The following GALNTL6 variants were observed in gnomAD, a reference collection of about 807,000 sequenced individuals.
The protein encoded by GALNTL6 is polypeptide N-acetylgalactosaminyltransferase-like 6.
A neutral mutation model predicts 73.7 loss-of-function variants in GALNTL6; 46 were observed. The ratio of observed to expected loss-of-function variants is 0.62; its 90% CI spans 0.49 to 0.80. The LOEUF is 0.80. Among genes scored for constraint, GALNTL6 ranks in the 30% least tolerant of loss-of-function variants. The pLI, the probability that GALNTL6 is intolerant of heterozygous loss-of-function variation, is 0.00. For missense variants in GALNTL6, 604 were observed against 755.0 expected (o/e 0.80, Z 2.34); for synonymous variants, 259 against 263.7 (o/e 0.98, Z 0.17).
chr4:172,059,286 T>A (rs1731120418), intron 2 of GALNTL6, among the ~76,000 whole-genome samples: 1 of 152,230 alleles, frequency 6.6e-6, no homozygotes, highest in African/African-American at 2.4e-5. Flanking sequence ...CCTGGCTTGC[T>A]TCTGGGAGCA....
rs945747248 is a variant in GALNTL6, at chr4:172,009,649, G to A, written c.138+194931G>A. 5.4e-4 allele frequency among the ~76,000 whole-genome samples: 82 copies of A among 152,004 alleles called. 1 individual carries two copies. The highest frequency in any genetic ancestry group is 4.4e-5 in the Non-Finnish European group (3 of 68,000). On this transcript the variant is annotated intron_variant, in intron 2 of 12. Coordinates refer to ENST00000506823, the MANE Select transcript of GALNTL6 (RefSeq NM_001034845.3). ...GTGACTGAACAAATGTGGTTTTGTG[G>A]TATATTGCATTGTTTTACATTCCTG...
At chr4:172,795,910 TAAG>T (rs1212552009) in intron 5 of GALNTL6, among the ~76,000 whole-genome samples, 7 of 151,406 alleles carry the variant, frequency 4.6e-5, no homozygotes, top group Non-Finnish European at 8.8e-5. Context: ...TCTTAAACAA[TAAG>T]AAAAAGTTAT....
intron 2 of GALNTL6, among the ~76,000 whole-genome samples, chr4:172,212,327 A>G (rs556754791): frequency 3.3e-5 from 5 of 151,804 alleles, no homozygotes; most frequent in Admixed American, 2.6e-4. Flanking sequence ...ACGCCTGGCT[A>G]ATTTTTATAT....
At chr4:172,292,727 T>G (rs1739518400) in intron 3 of GALNTL6, among the ~76,000 whole-genome samples, 1 of 152,166 alleles carries the variant, frequency 6.6e-6, no homozygotes, top group Non-Finnish European at 1.5e-5. Context: ...TTGATTAATG[T>G]AAAATATAGA....
rs1731461334 is a variant in GALNTL6 at position 172,069,522 on chromosome 4, G to GTATGACACATATATGTTACA, written c.139-160131_139-160130insGACACATATATGTTACATAT. On this transcript the variant is annotated intron_variant, in intron 2 of 12. Transcript: ENST00000506823. The stretch of plus-strand genomic sequence containing the variant: ...TATGTATAACACATATATGTTATAT[G>GTATGACACATATATGTTACA]TATAACACATATATTATATATAACA... 2.5e-4 allele frequency among the ~76,000 whole-genome samples: 14 copies of GTATGACACATATATGTTACA among 56,034 alleles called. 5 individuals are homozygous for GTATGACACATATATGTTACA. The highest frequency in any genetic ancestry group is 4.6e-4 in the Non-Finnish European group (14 of 30,632). The allele number at this position is 56,034 out of a possible 152,430, so 36.8% of individuals were successfully genotyped here. A position where few individuals can be genotyped will look rare whatever the true frequency, so the allele number is the denominator to read the frequency against.
chr4:172,609,790 T>A (rs1273270687), intron 5 of GALNTL6, among the ~76,000 whole-genome samples: 1 of 151,944 alleles, frequency 6.6e-6, no homozygotes, highest in Non-Finnish European at 1.5e-5. Context: ...TTTGTACACC[T>A]GGTAGAATTT....
chr4:172,242,535 G>A (rs1411946941), intron 3 of GALNTL6, among the ~76,000 whole-genome samples: 1 of 152,044 alleles, frequency 6.6e-6, no homozygotes, highest in Non-Finnish European at 1.5e-5. Flanking sequence ...TGTTCTATAT[G>A]ATCTATTTTG....
intron 5 of GALNTL6, among the ~76,000 whole-genome samples, chr4:172,487,300 GTCTTTCTTTCTTTCTT>G (rs1212706952): frequency 4.6e-4 from 55 of 118,720 alleles, no homozygotes; most frequent in African/African-American, 1.6e-3. Flanking sequence ...CTTTCCTTCT[GTCTTTCTTTCTTTCTT>G]TCTTTCTTTC....
At chr4:172,770,833 TAA>T (rs1469418225) in intron 5 of GALNTL6, among the ~76,000 whole-genome samples, 1 of 152,182 alleles carries the variant, frequency 6.6e-6, no homozygotes, top group African/African-American at 2.4e-5. Flanking sequence ...TTTTTGACAT[TAA>T]ATGTTATCAT....
At chr4:172,696,117 A>G (rs11132955) in intron 5 of GALNTL6, among the ~76,000 whole-genome samples, 73,482 of 151,830 alleles carry the variant, frequency 0.48, 18,190 homozygotes, top group African/African-American at 0.58. Flanking sequence ...CACTAAGAAA[A>G]CTCTTTGAGA....
intron 2 of GALNTL6, among the ~76,000 whole-genome samples, chr4:172,205,609 T>G (rs1053390589): frequency 5.9e-5 from 9 of 152,202 alleles, no homozygotes; most frequent in Admixed American, 5.9e-4. Context: ...TCCCTTCCTA[T>G]TTCCAGTCCC....
chr4:171,974,543 G>T (rs1739662987), intron 2 of GALNTL6, among the ~76,000 whole-genome samples: 1 of 152,018 alleles, frequency 6.6e-6, no homozygotes, highest in Non-Finnish European at 1.5e-5. Flanking sequence ...TATATTCAAA[G>T]AATGATTTTC....
chr4:172,978,806 G>T (rs913252077), intron 10 of GALNTL6, among the ~76,000 whole-genome samples: 2 of 152,138 alleles, frequency 1.3e-5, no homozygotes, highest in Admixed American at 1.3e-4. Context: ...AACAGAAAAT[G>T]ATCACTGTTC....
chr4:172,074,661 C>T (rs1731649714), intron 2 of GALNTL6, among the ~76,000 whole-genome samples: 1 of 151,964 alleles, frequency 6.6e-6, no homozygotes, highest in Admixed American at 6.6e-5. Context: ...GGGGTAGTGT[C>T]CTGAGAAAAA....
At position 171,852,634 on chromosome 4, in the gene GALNTL6, G is replaced by A. The variant is rs567706974; in HGVS notation, c.138+37916G>A. On this transcript the variant is annotated intron_variant, in intron 2 of 12. Coordinates refer to ENST00000506823, the MANE Select transcript of GALNTL6 (RefSeq NM_001034845.3). ...AGGTAACAAATTCAATTCTTTGTACGATAGCTTCACAAATTAAGAAAACCC... is the reference window on the plus strand; with the variant it reads ...AGGTAACAAATTCAATTCTTTGTACAATAGCTTCACAAATTAAGAAAACCC... Among the ~76,000 whole-genome samples the A allele has an allele frequency of 3.3e-5, 5 of 152,000 alleles. No homozygotes were observed. In the South Asian group the frequency reaches 1.0e-3, roughly 32 times the overall value.
At chr4:172,854,834 TA>T (rs1271584050) in intron 7 of GALNTL6, among the ~76,000 whole-genome samples, 6 of 152,234 alleles carry the variant, frequency 3.9e-5, no homozygotes, top group Non-Finnish European at 7.3e-5. Flanking sequence ...GTAAACTCTT[TA>T]AAAATGGGAA....
chr4:172,965,503 A>G (rs1369352013), intron 10 of GALNTL6, among the ~76,000 whole-genome samples: 1 of 152,122 alleles, frequency 6.6e-6, no homozygotes, highest in African/African-American at 2.4e-5. Flanking sequence ...GAATGGCGTG[A>G]ACCCAGGAGG....
chr4:172,792,777 A>T (rs66925824), intron 5 of GALNTL6, among the ~76,000 whole-genome samples: 1 of 151,146 alleles, frequency 6.6e-6, no homozygotes. Flanking sequence ...GTGTTTTCAT[A>T]ATAAAGAACC....
intron 5 of GALNTL6, among the ~76,000 whole-genome samples, chr4:172,657,978 G>A (rs975136459): frequency 2.7e-5 from 4 of 148,802 alleles, no homozygotes; most frequent in African/African-American, 7.5e-5. Context: ...GTGAAACCCC[G>A]TCTCTACTAA....
Sources: gnomAD v4.1 joint callset for allele counts (sites outside exome capture counted in the v4.1 genomes callset) on GRCh38, gnomAD v4.1.1 for gene constraint, MANE v1.5 for transcripts, NCBI Gene and HGNC (gene_info 2026-07-23, HGNC 2026-07-21) for gene names.